Variants in PTGR2 observed in about 807,000 individuals in gnomAD.
The protein encoded by PTGR2 is prostaglandin reductase 2, also known as 15-oxoprostaglandin 13-reductase.
PTGR2 carries 32 observed loss-of-function variants against 43.4 expected under a neutral mutation model. The ratio of observed to expected loss-of-function variants is 0.74; its 90% CI spans 0.56 to 0.99. The LOEUF (loss-of-function observed/expected upper bound fraction) is 0.99, where lower values mean the gene tolerates loss of function less well. PTGR2 is among the 50% of genes least tolerant of loss of function. The pLI is 0.00. For missense variants in PTGR2, 373 were observed against 420.0 expected (o/e 0.89, Z 0.98); for synonymous variants, 106 against 139.2 (o/e 0.76, Z 1.68).
intron 8 of PTGR2, 65 bp from the exon 9 acceptor site, chr14:73,882,334 T>C: frequency 2.0e-6 from 2 of 1,009,278 alleles, no homozygotes; most frequent in Admixed American, 2.1e-5. Flanking sequence ...TTTGTAAGTA[T>C]GGAAACTATC....
chr14:73,857,451 A>T (rs2054375033), intron 1 of PTGR2, among the ~76,000 whole-genome samples: 1 of 151,600 alleles, frequency 6.6e-6, no homozygotes. Flanking sequence ...TGTCTCTACT[A>T]AAAATACAAA....
chr14:73,872,754 G>A (rs2054765148), intron 3 of PTGR2, among the ~76,000 whole-genome samples: 1 of 151,678 alleles, frequency 6.6e-6, no homozygotes, highest in African/African-American at 2.4e-5. Context: ...AAGGCCAGCA[G>A]ATCAACGAGG....
At chr14:73,872,998 G>A (rs939835833) in intron 3 of PTGR2, among the ~76,000 whole-genome samples, 2 of 149,322 alleles carry the variant, frequency 1.3e-5, no homozygotes, top group Middle Eastern at 3.8e-3. Flanking sequence ...TTTTTTTATG[G>A]TGTACAACAT....
At chr14:73,883,076 C>T (rs1199308278) in intron 9 of PTGR2, among the ~76,000 whole-genome samples, 2 of 147,550 alleles carry the variant, frequency 1.4e-5, no homozygotes, top group Admixed American at 1.4e-4. Context: ...CTGCCTCGGC[C>T]TCTCAAAGTG....
At chr14:73,876,954 AC>A (rs749113772) in intron 4 of PTGR2, 43 bp from the exon 5 acceptor site, 1 of 1,481,824 alleles carries the variant, frequency 6.7e-7, no homozygotes, top group Non-Finnish European at 9.3e-7. Flanking sequence ...TTGTCTCAAA[AC>A]AGGAATTCCT....
At chr14:73,853,237 G>T (rs2054271302) in intron 1 of PTGR2, among the ~76,000 whole-genome samples, 1 of 152,194 alleles carries the variant, frequency 6.6e-6, no homozygotes, top group Admixed American at 6.5e-5. Context: ...AATAGCAGGT[G>T]CCGTGTTGGA....
intron 3 of PTGR2, among the ~76,000 whole-genome samples, chr14:73,872,016 G>A (rs1201447275): frequency 1.3e-5 from 2 of 152,102 alleles, no homozygotes; most frequent in Admixed American, 6.5e-5. Flanking sequence ...TGGGTACACC[G>A]AACCACATGG....
chr14:73,882,347 A>T, intron 8 of PTGR2, 52 bp from the exon 9 acceptor site: 1 of 1,108,572 alleles, frequency 9.0e-7, no homozygotes, highest in Middle Eastern at 2.0e-4. Context: ...AAACTATCAT[A>T]TAGAAACATT....
rs1171170549 is a variant in PTGR2 at position 73,877,150 on chromosome 14, T to C, written c.501T>C (p.Cys167=). The C allele has an allele frequency of 6.2e-7, 1 of 1,612,064 alleles. No homozygotes were observed. The highest frequency in any genetic ancestry group is 8.5e-7 in the Non-Finnish European group (1 of 1,179,238). The change falls in exon 5 of 10, where the codon TGT becomes TGC. Residue 167 remains cysteine (C), a synonymous_variant. Coordinates refer to ENST00000555661, the MANE Select transcript of PTGR2 (RefSeq NM_001146154.2). ...TMVVSGAAGA[C]GSVAGQIGHF... ...TTGTCAGTGGGGCCGCAGGTGCCTG[T>C]GGATCTGTGGCTGGGCAGGTAAACT...
At position 73,884,310 on chromosome 14, in the gene PTGR2, A is replaced by G. The variant is rs2055073691; in HGVS notation, c.*133A>G. ...GATCATAGGTGTTATTTTTAGTTGC[A>G]TAGGGTATTTGATACAATCATTAAT... On this transcript the variant is annotated 3_prime_UTR_variant, in exon 10 of 10. Coordinates refer to ENST00000555661, the MANE Select transcript of PTGR2 (RefSeq NM_001146154.2). 3 of 589,794 alleles carry G rather than the reference A, an allele frequency of 5.1e-6. No individual in the cohort carries two copies. The South Asian group carries it at 6.5e-5, about 13-fold the overall frequency. 36.5% of individuals were successfully genotyped at this position (589,794 alleles called of 1,614,324 possible). A position where few individuals can be genotyped will look rare whatever the true frequency, so the allele number is the denominator to read the frequency against.
rs180707017 is a variant in PTGR2, at chr14:73,877,326, G to T, written c.519+158G>T. The stretch of plus-strand genomic sequence containing the variant: ...AGTCTCCAGGCTGGAGTGCAGTGGC[G>T]CAATCTTGGCTCACTGCAACCTCCG... On this transcript the variant is annotated intron_variant, in intron 5 of 9. Coordinates refer to ENST00000555661, the MANE Select transcript of PTGR2 (RefSeq NM_001146154.2). 6 of 585,568 alleles carry T rather than the reference G, an allele frequency of 1.0e-5. No homozygotes were observed. The African/African-American group carries it at 1.1e-4, about 11-fold the overall frequency. 36.3% of individuals were successfully genotyped at this position (585,568 alleles called of 1,614,324 possible).
chr14:73,870,020 C>A (rs1439658964), intron 3 of PTGR2, among the ~76,000 whole-genome samples: 1 of 121,796 alleles, frequency 8.2e-6, no homozygotes. Flanking sequence ...GACAGAGACT[C>A]CGTCTCAGAG....
At chr14:73,862,819 C>T (rs2054523795) in intron 3 of PTGR2, among the ~76,000 whole-genome samples, 1 of 152,002 alleles carries the variant, frequency 6.6e-6, no homozygotes, top group South Asian at 2.1e-4. Context: ...GCAGTCCTCC[C>T]ATCTCAGCTT....
intron 3 of PTGR2, among the ~76,000 whole-genome samples, chr14:73,867,875 A>G (rs1471383682): frequency 1.3e-5 from 2 of 152,220 alleles, no homozygotes; most frequent in Non-Finnish European, 2.9e-5. Context: ...TGCAGCCAGA[A>G]TGCCAGAGTG....
intron 1 of PTGR2, among the ~76,000 whole-genome samples, chr14:73,857,118 AGAATAAACT>A (rs1037463740): frequency 6.7e-6 from 1 of 148,784 alleles, no homozygotes; most frequent in Non-Finnish European, 1.5e-5. Context: ...AAAACAAAAC[AGAATAAACT>A]GATCCTTTAC....
At chr14:73,858,149 C>CG (rs2054404503) in intron 1 of PTGR2, 1 of 152,218 alleles carries the variant, frequency 6.6e-6, no homozygotes, top group African/African-American at 2.4e-5. Context: ...ATATAACTCA[C>CG]TACCTTTGGA....
intron 3 of PTGR2, among the ~76,000 whole-genome samples, chr14:73,866,349 G>A (rs1052315583): frequency 4.0e-5 from 6 of 151,426 alleles, no homozygotes; most frequent in Admixed American, 2.6e-4. Flanking sequence ...ATGTTGGCCA[G>A]GATGGTCTTG....
chr14:73,882,279 A>G (rs749822495), intron 8 of PTGR2, 120 bp from the exon 9 acceptor site: 1 of 661,906 alleles, frequency 1.5e-6, no homozygotes, highest in Non-Finnish European at 2.7e-6. Context: ...ACATGAAATA[A>G]AGAATATCTA....
Position 73,881,246 on chromosome 14 carries a change from C to A in PTGR2, c.893C>A (p.Pro298His). 3 of 1,610,722 alleles carry A rather than the reference C, an allele frequency of 1.9e-6. No homozygotes were observed. The highest frequency in any genetic ancestry group is 2.5e-6 in the Non-Finnish European group (3 of 1,177,174). Residue 298 changes from proline (P) to histidine (H), a missense_variant, in exon 8 of 10, where the codon CCT (proline) becomes CAT (histidine). Pro to His is a moderately conservative substitution (Grantham distance 77, BLOSUM62 -2). Coordinates refer to ENST00000555661, the MANE Select transcript of PTGR2 (RefSeq NM_001146154.2). Reference sequence around the variant, plus strand: ...TTAAATTATAAAGACAAATTTGAGCCTGGCATTCTACAGCTGAGTCAGTGG... The same window carrying A: ...TTAAATTATAAAGACAAATTTGAGCATGGCATTCTACAGCTGAGTCAGTGG... ...LVLNYKDKFEPGILQLSQWFK... is the reference protein window; with the variant it reads ...LVLNYKDKFEHGILQLSQWFK...
Sources: allele counts gnomAD v4.1 joint callset (sites outside exome capture counted in the v4.1 genomes callset), GRCh38; gene constraint gnomAD v4.1.1; transcripts MANE v1.5; gene names NCBI Gene and HGNC (gene_info 2026-07-23, HGNC 2026-07-21).